The following RBFOX3 variants were observed in gnomAD, a reference collection of about 807,000 sequenced individuals.
RBFOX3 encodes RNA binding fox-1 homolog 3.
A neutral mutation model predicts 48.7 loss-of-function variants in RBFOX3; 17 were observed. That is an observed-to-expected ratio of 0.35 (90% confidence interval 0.24 to 0.52). RBFOX3 has a LOEUF of 0.52. Among genes scored for constraint, RBFOX3 ranks in the 20% least tolerant of loss-of-function variants. The probability of loss-of-function intolerance (pLI) is 0.94; values close to 1 mark genes in which losing one functional copy is unlikely to be tolerated. For synonymous variants in RBFOX3, 212 were observed against 209.5 expected, an observed-to-expected ratio of 1.01 and a Z score of -0.10; for missense variants, 382 against 497.5, an observed-to-expected ratio of 0.77 and a Z score of 2.21.
intron 1 of RBFOX3, among the ~76,000 whole-genome samples, chr17:79,606,469 A>G (rs1028078698): frequency 2.0e-5 from 3 of 152,144 alleles, no homozygotes; most frequent in Non-Finnish European, 4.4e-5. Context: ...CCCTGGCCAC[A>G]CTTTTCAAAA....
chr17:79,160,635 G>C (rs888383542), intron 4 of RBFOX3, among the ~76,000 whole-genome samples: 5 of 152,156 alleles, frequency 3.3e-5, no homozygotes, highest in Non-Finnish European at 7.3e-5. Flanking sequence ...AGGGACAGCA[G>C]GACTTGGGAT....
chr17:79,586,443 A>G (rs968491536), intron 1 of RBFOX3, among the ~76,000 whole-genome samples: 13 of 152,166 alleles, frequency 8.5e-5, no homozygotes, highest in Non-Finnish European at 1.2e-4. Context: ...TGACCCCTGG[A>G]CTCATGAGCA....
intron 2 of RBFOX3, among the ~76,000 whole-genome samples, chr17:79,365,098 C>T (rs1165929904): frequency 6.6e-6 from 1 of 151,944 alleles, no homozygotes; most frequent in Non-Finnish European, 1.5e-5. Flanking sequence ...TCTCTACCCT[C>T]AACACTTTAG....
chr17:79,269,681 A>C (rs2067326746), intron 3 of RBFOX3, among the ~76,000 whole-genome samples: 2 of 146,756 alleles, frequency 1.4e-5, no homozygotes, highest in African/African-American at 2.5e-5. Context: ...TGCACCCCCC[A>C]CCTCTTTTCT....
intron 4 of RBFOX3, among the ~76,000 whole-genome samples, chr17:79,130,968 G>A (rs977799357): frequency 6.6e-6 from 1 of 152,252 alleles, no homozygotes; most frequent in Non-Finnish European, 1.5e-5. Context: ...CGTGCTCTGC[G>A]TGCCCTGCGT....
intron 3 of RBFOX3, among the ~76,000 whole-genome samples, chr17:79,260,333 A>G (rs1600269602): frequency 6.6e-6 from 1 of 152,054 alleles, no homozygotes; most frequent in Admixed American, 6.5e-5. Context: ...TCCCTGCCAC[A>G]GTGGATCCAG....
In RBFOX3 at chr17:79,362,672, C is replaced by T. The variant is rs771550295; in HGVS notation, c.-174-54848G>A. Among the ~76,000 whole-genome samples the T allele has an allele frequency of 2.9e-4, 43 of 148,628 alleles. No individual in the cohort carries two copies. Among genetic ancestry groups the T allele is most frequent in the Admixed American group, 6.6e-4 (10 of 15,062 alleles). ...CCTGCCGGGCAATTGCTTCCTGTGA[C>T]GGAGCCAGTTACTGGCACCTCATCT... On this transcript the variant is annotated intron_variant, in intron 2 of 14. Coordinates refer to ENST00000693108, the MANE Select transcript of RBFOX3 (RefSeq NM_001350451.2). This position sits in a 1 kb window ranked among gnomAD's most constrained non-coding sequence, Gnocchi z 4.2.
chr17:79,492,008 G>A lies in RBFOX3; in HGVS notation c.-319-9410C>T, dbSNP rs1193687937. Among the ~76,000 whole-genome samples, 3 of 152,148 alleles carry A rather than the reference G, an allele frequency of 2.0e-5. No homozygotes were observed. The East Asian group carries it at 5.8e-4, about 29-fold the overall frequency. ...GGAGAATTGCATGAACCTGGGAGGT[G>A]GAAATTGCGGTGAGCCAAGATCATG... is the stretch of plus-strand genomic sequence containing the variant. On this transcript the variant is annotated intron_variant, in intron 1 of 14. Transcript: ENST00000693108.
chr17:79,496,122 G>A (rs113416168), intron 1 of RBFOX3, among the ~76,000 whole-genome samples: 3 of 152,044 alleles, frequency 2.0e-5, no homozygotes, highest in African/African-American at 4.8e-5. Context: ...CAGAGTTGGG[G>A]ACTGAGAGTC....
intron 2 of RBFOX3, among the ~76,000 whole-genome samples, chr17:79,339,247 G>A (rs976848658): frequency 5.3e-5 from 8 of 152,044 alleles, no homozygotes; most frequent in African/African-American, 1.9e-4. Context: ...GTAGAGACAG[G>A]GTTTTGCTGT....
chr17:79,439,920 G>C (rs2148991335), intron 2 of RBFOX3, among the ~76,000 whole-genome samples: 1 of 152,352 alleles, frequency 6.6e-6, no homozygotes, highest in East Asian at 1.9e-4. Context: ...AGGAGTAGGA[G>C]AAGGCACACA....
chr17:79,404,423 C>T (rs539644586), intron 2 of RBFOX3, among the ~76,000 whole-genome samples: 10 of 152,224 alleles, frequency 6.6e-5, no homozygotes, highest in Non-Finnish European at 1.5e-4. Flanking sequence ...CGCGGGCACC[C>T]CAGGCCACAC....
chr17:79,219,718 T>G (rs113897911), intron 4 of RBFOX3, among the ~76,000 whole-genome samples: 1 of 151,832 alleles, frequency 6.6e-6, no homozygotes, highest in Admixed American at 6.6e-5. Flanking sequence ...GGAGGTCGGC[T>G]GGGGCTCACA....
chr17:79,100,353 G>A (rs140275885), intron 9 of RBFOX3: 29 of 152,270 alleles, frequency 1.9e-4, no homozygotes, highest in African/African-American at 6.0e-4. Flanking sequence ...GACGCACTCG[G>A]GATGCTTGCA....
Position 79,405,592 on chromosome 17 carries a change from G to A in RBFOX3, c.-175+76862C>T, listed in dbSNP as rs536926676. ...AAAAATTAGCTGGGTGTGGTGGCAC[G>A]CCCCTGTAATCCTAGCTACTTGGGA... On this transcript the variant is annotated intron_variant, in intron 2 of 14. Coordinates refer to ENST00000693108, the MANE Select transcript of RBFOX3 (RefSeq NM_001350451.2). Among the ~76,000 whole-genome samples, 19 of 152,192 alleles carry A rather than the reference G, an allele frequency of 1.2e-4. No homozygotes were observed. In the East Asian group the frequency reaches 1.7e-3, roughly 14 times the overall value.
intron 2 of RBFOX3, among the ~76,000 whole-genome samples, chr17:79,438,251 C>A (rs1555732399): frequency 6.6e-6 from 1 of 151,274 alleles, no homozygotes; most frequent in African/African-American, 2.5e-5. Context: ...CAGGTCCTAA[C>A]CCTGCAGGCC....
intron 4 of RBFOX3, among the ~76,000 whole-genome samples, chr17:79,224,833 G>A (rs2060128818): frequency 2.0e-5 from 3 of 152,186 alleles, no homozygotes; most frequent in Non-Finnish European, 4.4e-5. Flanking sequence ...TGGTGTTTTT[G>A]GAACTCAGAG....
At chr17:79,431,854 C>T (rs1297833648) in intron 2 of RBFOX3, among the ~76,000 whole-genome samples, 2 of 152,202 alleles carry the variant, frequency 1.3e-5, no homozygotes, top group African/African-American at 4.8e-5. Context: ...CAGTGGCATT[C>T]GGAACATTTG....
chr17:79,515,999 G>C (rs1254274792), intron 1 of RBFOX3: 1 of 152,254 alleles, frequency 6.6e-6, no homozygotes, highest in African/African-American at 2.4e-5. Context: ...ACAGCCTTGA[G>C]TCCAAGGCTC....
Sources: gnomAD v4.1 joint callset for allele counts (sites outside exome capture counted in the v4.1 genomes callset) on GRCh38, gnomAD v4.1.1 for gene constraint, Gnocchi (gnomAD v3.1) non-coding constraint, MANE v1.5 for transcripts, NCBI Gene and HGNC (gene_info 2026-07-23, HGNC 2026-07-21) for gene names.